Variants in AFF2 observed in about 807,000 individuals in gnomAD.
The protein encoded by AFF2 is AF4/FMR2 family member 2.
A neutral mutation model predicts 76.9 loss-of-function variants in AFF2; 14 were observed. The ratio of observed to expected loss-of-function variants is 0.18; its 90% confidence interval spans 0.12 to 0.28. The LOEUF (loss-of-function observed/expected upper bound fraction) is 0.28. Among genes scored for constraint, AFF2 ranks in the 10% least tolerant of loss-of-function variants. The probability of loss-of-function intolerance (pLI) is 1.00; values close to 1 mark genes in which losing one functional copy is unlikely to be tolerated. For missense variants in AFF2, 868 were observed against 1,001.1 expected (o/e 0.87, Z 1.79); for synonymous variants, 398 against 366.7 (o/e 1.09, Z -0.98).
At chrX:148,767,295 A>G (rs1028292896) in intron 3 of AFF2, among the ~76,000 whole-genome samples, 15 of 111,670 alleles carry the variant, frequency 1.3e-4, no homozygotes, top group Non-Finnish European at 2.8e-4. Context: ...AGGTAGTTGT[A>G]AAAGCTAAAC....
At chrX:148,916,232 C>T (rs782687487) in intron 9 of AFF2, among the ~76,000 whole-genome samples, 6 of 51,447 alleles carry the variant, frequency 1.2e-4, no homozygotes, top group African/African-American at 5.0e-4. Flanking sequence ...TTTTTTGAGA[C>T]GGAGTCTTGC....
intron 3 of AFF2, among the ~76,000 whole-genome samples, chrX:148,779,695 T>TA (rs1399282599): frequency 2.7e-5 from 3 of 112,236 alleles, no homozygotes; most frequent in Admixed American, 9.4e-5. Context: ...CTTGGCTCTT[T>TA]ATCCAGTTTG....
intron 3 of AFF2, among the ~76,000 whole-genome samples, chrX:148,685,819 T>C (rs1395531330): frequency 1.8e-5 from 2 of 111,005 alleles, no homozygotes; most frequent in Non-Finnish European, 3.8e-5. Context: ...ATTTATCTCT[T>C]TTGTAAATTT....
At chrX:148,913,775 G>A (rs148558617) in intron 9 of AFF2, among the ~76,000 whole-genome samples, 1,416 of 112,160 alleles carry the variant, frequency 0.013, 25 homozygotes, top group African/African-American at 0.043. Flanking sequence ...AATGGACAAC[G>A]CTGTTTAATC....
At chrX:148,709,477 C>T (rs2054933172) in intron 3 of AFF2, among the ~76,000 whole-genome samples, 1 of 111,969 alleles carries the variant, frequency 8.9e-6, no homozygotes, top group Non-Finnish European at 1.9e-5. Context: ...TATTTGTCAC[C>T]TCTGCAAAAT....
Position 148,962,760 on chromosome X carries a change from A to G in AFF2, c.2736A>G (p.Leu912=), listed in dbSNP as rs1775089798. The change falls in exon 13 of 21, where the codon CTA becomes CTG. Residue 912 remains leucine, a synonymous_variant. Coordinates refer to ENST00000370460, the MANE Select transcript of AFF2 (RefSeq NM_002025.4). ...CAAATAGAAGAAAGGAAGAAAAACT[A>G]TTTCCTCCTCCACTTTCCCCACTGC... The part of the protein sequence containing the change: ...RRANRRKEEK[L]FPPPLSPLPE... 1.7e-6 allele frequency: 2 copies of G among 1,209,910 alleles called. No individual in the cohort carries two copies. Among genetic ancestry groups the G allele is most frequent in the East Asian group, 3.0e-5 (1 of 33,804 alleles).
chrX:148,923,537 G>A (rs2071618317), intron 9 of AFF2, among the ~76,000 whole-genome samples: 1 of 110,595 alleles, frequency 9.0e-6, no homozygotes, highest in African/African-American at 3.3e-5. Flanking sequence ...GAAACGGAAA[G>A]ATACCAAACC....
Position 148,537,299 on chromosome X carries a change from G to A in AFF2, c.47+36155G>A, listed in dbSNP as rs181646018. 4.0e-4 allele frequency among the ~76,000 whole-genome samples: 45 copies of A among 112,311 alleles called. 1 individual carries two copies. The highest frequency in any genetic ancestry group is 4.6e-3 in the Middle Eastern group (1 of 218). On this transcript the variant is annotated intron_variant, in intron 1 of 20. Coordinates refer to ENST00000370460, the MANE Select transcript of AFF2 (RefSeq NM_002025.4). ...GATGGATACAACAAATCTGATTGTCGTAGAGGTGGGGAAAGGGTTGGTGAA... is the reference window on the plus strand; with the variant it reads ...GATGGATACAACAAATCTGATTGTCATAGAGGTGGGGAAAGGGTTGGTGAA...
chrX:148,740,233 C>G (rs2055335252), intron 3 of AFF2, among the ~76,000 whole-genome samples: 1 of 112,008 alleles, frequency 8.9e-6, no homozygotes, highest in African/African-American at 3.3e-5. Context: ...GGTCATTCCC[C>G]CAAATATGTT....
At chrX:148,700,945 G>A (rs782190005) in intron 3 of AFF2, among the ~76,000 whole-genome samples, 3 of 107,729 alleles carry the variant, frequency 2.8e-5, no homozygotes, top group South Asian at 4.1e-4. Context: ...TGGGGCCTTT[G>A]CCCTTTGTAT....
chrX:148,630,036 A>T (rs1420878281), intron 1 of AFF2, among the ~76,000 whole-genome samples: 1 of 111,488 alleles, frequency 9.0e-6, no homozygotes, highest in Non-Finnish European at 1.9e-5. Context: ...TTGTGAGCCC[A>T]CTCTGCTTTC....
intron 1 of AFF2, among the ~76,000 whole-genome samples, chrX:148,566,406 T>C (rs1479915871): frequency 2.9e-5 from 3 of 103,334 alleles, no homozygotes; most frequent in Non-Finnish European, 6.0e-5. Context: ...TGGTCATGAA[T>C]ACCAAAGATC....
chrX:148,616,264 T>C (rs181183655), intron 1 of AFF2, among the ~76,000 whole-genome samples: 20 of 111,922 alleles, frequency 1.8e-4, no homozygotes, highest in African/African-American at 6.5e-4. Context: ...AGCCGTATGA[T>C]CTTGGGAAAG....
At position 148,942,397 on chromosome X, in the gene AFF2, A is replaced by G. The variant is rs193212493; in HGVS notation, c.1398-11183A>G. ...ATAGCAAAGAGTGTATATATCTGCCAGAAAGTCATTGTGAATTCTGAAATA... is the reference window on the plus strand; with the variant it reads ...ATAGCAAAGAGTGTATATATCTGCCGGAAAGTCATTGTGAATTCTGAAATA... On this transcript the variant is annotated intron_variant, in intron 9 of 20. Transcript: ENST00000370460. Among the ~76,000 whole-genome samples the G allele has an allele frequency of 7.0e-4, 78 of 111,618 alleles. 1 individual carries two copies. In the East Asian group the frequency reaches 0.014, roughly 21 times the overall value.
chrX:148,955,939 A>G lies in AFF2; in HGVS notation c.1894A>G (p.Lys632Glu). ...AAGGACAATTGGGAAAAAACAGCCC[A>G]AAAAAGTTGAGAAGAACACCAGCAC... Reference protein sequence around the residue: ...SQRTIGKKQPKKVEKNTSTDE... With the variant: ...SQRTIGKKQPEKVEKNTSTDE... The change falls in exon 11 of 21, where the codon AAA becomes GAA. Residue 632 changes from lysine to glutamate, a missense_variant. Coordinates refer to ENST00000370460, the MANE Select transcript of AFF2 (RefSeq NM_002025.4). 1.7e-6 allele frequency: 2 copies of G among 1,211,761 alleles called. No individual in the cohort carries two copies. Among genetic ancestry groups the G allele is most frequent in the Non-Finnish European group, 2.2e-6 (2 of 895,525 alleles).
intron 1 of AFF2, among the ~76,000 whole-genome samples, chrX:148,581,058 T>C (rs896988066): frequency 5.7e-5 from 2 of 34,942 alleles, no homozygotes; most frequent in Non-Finnish European, 1.5e-4. Flanking sequence ...CACATATGTG[T>C]ATATGTATAT....
chrX:148,695,108 G>A (rs1333235032), intron 3 of AFF2, among the ~76,000 whole-genome samples: 2 of 111,421 alleles, frequency 1.8e-5, no homozygotes, highest in Admixed American at 9.5e-5. Flanking sequence ...GAGCCACCAC[G>A]CCTGGCCTTC....
chrX:148,847,346 G>A (rs1287333494), intron 7 of AFF2, among the ~76,000 whole-genome samples: 1 of 111,651 alleles, frequency 9.0e-6, no homozygotes, highest in East Asian at 2.8e-4. Flanking sequence ...TCAGTTTTGT[G>A]AGGACTGTTG....
chrX:148,897,271 ATGTATATG>A (rs1200530101), intron 8 of AFF2, among the ~76,000 whole-genome samples: 17 of 15,776 alleles, frequency 1.1e-3, no homozygotes, highest in Admixed American at 3.3e-3. Context: ...ATATATATAT[ATGTATATG>A]AAAAATATAT....
Sources: allele counts gnomAD v4.1 joint callset (sites outside exome capture counted in the v4.1 genomes callset), GRCh38; gene constraint gnomAD v4.1.1; transcripts MANE v1.5; gene names NCBI Gene and HGNC (gene_info 2026-07-23, HGNC 2026-07-21).